HNRNPK: variants seen among roughly 807,000 people sequenced by gnomAD.
HNRNPK encodes the protein dC-stretch binding protein.
HNRNPK carries 7 observed loss-of-function variants against 67.0 expected under a neutral mutation model. That is an observed-to-expected ratio of 0.10 (90% CI 0.06 to 0.20). HNRNPK has a LOEUF of 0.20. HNRNPK is among the 10% of genes least tolerant of loss of function. The pLI is 1.00. For missense variants in HNRNPK, 264 were observed against 606.5 expected, an observed-to-expected ratio of 0.44 and a Z score of 5.93; for synonymous variants, 213 against 193.7, an observed-to-expected ratio of 1.10 and a Z score of -0.83.
Position 83,974,103 on chromosome 9 carries a change from A to C in HNRNPK, c.331-130T>G, listed in dbSNP as rs535115928. On this transcript the variant is annotated intron_variant, in intron 7 of 16. Transcript: ENST00000376263. Reference sequence around the variant, plus strand: ...TAAATAATGAGAAACTGCTTTATTCAACATTAAGACGATTCAAAACATAAA... The same window carrying C: ...TAAATAATGAGAAACTGCTTTATTCCACATTAAGACGATTCAAAACATAAA... 6.2e-4 allele frequency: 371 copies of C among 596,000 alleles called. 6 individuals are homozygous for C. In the South Asian group the frequency reaches 7.7e-3, roughly 12 times the overall value. The allele number at this position is 596,000 out of a possible 1,614,324, so 36.9% of individuals were successfully genotyped here. A position where few individuals can be genotyped will look rare whatever the true frequency, so the allele number is the denominator to read the frequency against.
chr9:83,973,189 G>C, intron 9 of HNRNPK, 97 bp downstream of exon 9: 1 of 821,566 alleles, frequency 1.2e-6, no homozygotes, highest in South Asian at 1.5e-5. Flanking sequence ...AATCTTTGGA[G>C]GGAACTGAGA....
At chr9:83,970,967 G>A (rs1035049912) in intron 13 of HNRNPK, 55 bp from the exon 14 acceptor site, 71 of 1,537,572 alleles carry the variant, frequency 4.6e-5, no homozygotes, top group African/African-American at 1.4e-5. Context: ...ATTACTACCG[G>A]TACTTTAAAA....
chr9:83,974,396 G>C (rs562302501), intron 7 of HNRNPK, 121 bp downstream of exon 7: 3 of 513,390 alleles, frequency 5.8e-6, no homozygotes, highest in South Asian at 2.9e-5. Context: ...AGCAGGTTAA[G>C]ATACTGCTAC....
rs1307091265 is a variant in HNRNPK at position 83,977,190 on chromosome 9, C to G, written c.157-139G>C. On this transcript the variant is annotated intron_variant, in intron 4 of 16. Coordinates refer to ENST00000376263, the MANE Select transcript of HNRNPK (RefSeq NM_031263.4). ...ATCTATTTGGGGTTGTAAAAACGAC[C>G]AGGCCAAAACCAAACCAAAAATCAA... is the stretch of plus-strand genomic sequence containing the variant. 5 of 635,466 alleles carry G rather than the reference C, an allele frequency of 7.9e-6. No homozygotes were observed. In the Admixed American group the frequency reaches 1.4e-4, roughly 18 times the overall value. 39.4% of individuals were successfully genotyped at this position (635,466 alleles called of 1,614,324 possible).
chr9:83,975,048 A>G (rs1413820873), intron 6 of HNRNPK, among the ~76,000 whole-genome samples: 2 of 152,220 alleles, frequency 1.3e-5, no homozygotes, highest in South Asian at 2.1e-4. Flanking sequence ...GCTCTGCAAG[A>G]AAACAAATAC....
intron 9 of HNRNPK, 58 bp from the exon 10 acceptor site, chr9:83,973,030 G>T (rs1956922641): frequency 7.7e-7 from 1 of 1,306,220 alleles, no homozygotes; most frequent in Admixed American, 2.5e-5. Flanking sequence ...GCTTTCCTAG[G>T]TTCAGTGAAA....
At position 83,973,277 on chromosome 9, in the gene HNRNPK, T is replaced by C. The variant is rs1956938757; in HGVS notation, c.516+9A>G. ...AGCAAAGAATACGGCAGAATTTTTT[T>C]TTTTTTACCTCTCGAAGTTCTTTGA... On this transcript the variant is annotated intron_variant, in intron 9 of 16. Transcript: ENST00000376263. The C allele has an allele frequency of 1.3e-6, 2 of 1,490,642 alleles. No individual in the cohort carries two copies. The highest frequency in any genetic ancestry group is 1.1e-5 in the South Asian group (1 of 87,008). 92.3% of individuals were successfully genotyped at this position (1,490,642 alleles called of 1,614,324 possible).
At position 83,972,222 on chromosome 9, in the gene HNRNPK, G is replaced by A. The variant is rs370854156; in HGVS notation, c.646-33C>T. ...CAGAGATGGAACAAACTTACAGACT[G>A]AAGAAAAAGAGTCCTGCTTCATACC... is the stretch of plus-strand genomic sequence containing the variant. On this transcript the variant is annotated intron_variant, in intron 10 of 16. Transcript: ENST00000376263. 284 of 1,483,862 alleles carry A rather than the reference G, an allele frequency of 1.9e-4. 1 individual carries two copies. In the Middle Eastern group the frequency reaches 2.9e-3, roughly 15 times the overall value. 91.9% of individuals were successfully genotyped at this position (1,483,862 alleles called of 1,614,324 possible). A position where few individuals can be genotyped will look rare whatever the true frequency, so the allele number is the denominator to read the frequency against.
chr9:83,973,488 G>A (rs1346817834), intron 8 of HNRNPK, 89 bp from the exon 9 acceptor site: 7 of 761,964 alleles, frequency 9.2e-6, no homozygotes, highest in Non-Finnish European at 1.6e-5. Context: ...ATAATATACT[G>A]TTGCAGTGAG....
intron 1 of HNRNPK, among the ~76,000 whole-genome samples, chr9:83,979,402 G>A (rs1171101033): frequency 2.0e-5 from 3 of 152,216 alleles, no homozygotes; most frequent in Admixed American, 6.5e-5. Flanking sequence ...GGGCTTATCT[G>A]TAAGAATAAC....
chr9:83,978,900 G>T (rs17086750), intron 1 of HNRNPK, among the ~76,000 whole-genome samples: 15,995 of 152,166 alleles, frequency 0.11, 1,042 homozygotes, highest in Non-Finnish European at 0.14. Flanking sequence ...AAATACAACG[G>T]CAATTGCGAA....
intron 5 of HNRNPK, chr9:83,976,673 A>G (rs888140890): frequency 9.5e-6 from 2 of 210,474 alleles, no homozygotes; most frequent in Non-Finnish European, 1.9e-5. Context: ...TGATTCACAC[A>G]CAGGAAATGG....
At chr9:83,969,551 A>G (rs1956726657) in intron 16 of HNRNPK, 111 bp from the exon 17 acceptor site, 1 of 733,176 alleles carries the variant, frequency 1.4e-6, no homozygotes, top group Middle Eastern at 2.4e-4. Flanking sequence ...GTCCATTACA[A>G]TTAGAAGAGT....
intron 1 of HNRNPK, among the ~76,000 whole-genome samples, chr9:83,979,333 G>C (rs1957241730): frequency 6.6e-6 from 1 of 152,188 alleles, no homozygotes; most frequent in Non-Finnish European, 1.5e-5. Flanking sequence ...GGCCCAGCAC[G>C]CAATTTCTGA....
intron 4 of HNRNPK, 70 bp from the exon 5 acceptor site, chr9:83,977,121 A>G (rs1363616650): frequency 9.0e-7 from 1 of 1,114,124 alleles, no homozygotes; most frequent in Non-Finnish European, 1.4e-6. Flanking sequence ...ACGCTCTTAG[A>G]TTTTGCTAAA....
rs1453224688 is a variant in HNRNPK at position 83,968,714 on chromosome 9, AAT to A, written c.*691_*692del. 1 of 152,670 alleles carries A rather than the reference AAT, an allele frequency of 6.6e-6. No individual in the cohort carries two copies. The highest frequency in any genetic ancestry group is 2.4e-5 in the African/African-American group (1 of 41,474). The allele number at this position is 152,670 out of a possible 1,614,324, so 9.5% of individuals were successfully genotyped here. ...ATGTATGATGGAATTTCTTCCCAGC[AAT>A]AGACTTCCAAACCATCAAGAAATCA... On this transcript the variant is annotated 3_prime_UTR_variant, in exon 17 of 17. Coordinates refer to ENST00000376263, the MANE Select transcript of HNRNPK (RefSeq NM_031263.4).
At position 83,970,022 on chromosome 9, in the gene HNRNPK, A is replaced by G. The variant is rs985114500; in HGVS notation, c.1361+140T>C. On this transcript the variant is annotated intron_variant, in intron 16 of 16. Coordinates refer to ENST00000376263, the MANE Select transcript of HNRNPK (RefSeq NM_031263.4). ...AAGAAAGCAGAAGAAAAATTAAGGC[A>G]AACTATTAGAATGTTTAGAAGTTAG... 4.4e-6 allele frequency: 3 copies of G among 686,084 alleles called. No individual in the cohort carries two copies. The African/African-American group carries it at 5.4e-5, about 12-fold the overall frequency. 42.5% of individuals were successfully genotyped at this position (686,084 alleles called of 1,614,324 possible).
chr9:83,969,846 GCCAACAT>G (rs1564057771), intron 16 of HNRNPK: 1 of 611,614 alleles, frequency 1.6e-6, no homozygotes, highest in South Asian at 1.4e-5. Context: ...ACAGAACTAG[GCCAACAT>G]CCAATGAATC....
chr9:83,975,884 T>C (rs1232985522), intron 5 of HNRNPK: 2 of 197,316 alleles, frequency 1.0e-5, no homozygotes, highest in African/African-American at 4.6e-5. Flanking sequence ...CAAATGATGG[T>C]TCTAGCCTTT....
Sources: gnomAD v4.1 joint callset for allele counts (sites outside exome capture counted in the v4.1 genomes callset) on GRCh38, gnomAD v4.1.1 for gene constraint, MANE v1.5 for transcripts, NCBI Gene and HGNC (gene_info 2026-07-23, HGNC 2026-07-21) for gene names.